Variants in CD8B observed in about 807,000 individuals in gnomAD.
The protein encoded by CD8B is CD8 subunit beta.
CD8B carries 6 observed loss-of-function variants against 24.2 expected under a neutral mutation model. The observed-to-expected ratio is 0.25, with a 90% CI of 0.14 to 0.49. The LOEUF (loss-of-function observed/expected upper bound fraction) is 0.49. Ranked by LOEUF, CD8B falls within the 20% of genes least tolerant of loss-of-function variation. The pLI is 0.98. For synonymous variants in CD8B, 84 were observed against 108.3 expected, an observed-to-expected ratio of 0.78 and a Z score of 1.39; for missense variants, 196 against 271.3, an observed-to-expected ratio of 0.72 and a Z score of 1.95.
intron 5 of CD8B, among the ~76,000 whole-genome samples, chr2:86,829,682 A>G (rs4240205): frequency 0.67 from 102,157 of 151,928 alleles, 34,414 homozygotes; most frequent in East Asian, 0.86. Flanking sequence ...CTGTAAAATC[A>G]CCAGCAAGCC....
intron 2 of CD8B, among the ~76,000 whole-genome samples, chr2:86,857,285 G>A (rs529382456): frequency 6.6e-6 from 1 of 152,212 alleles, no homozygotes; most frequent in East Asian, 1.9e-4. Flanking sequence ...TATCAGGGCA[G>A]TGAGGGCCTC....
At chr2:86,823,113 C>G (rs915584787) in intron 5 of CD8B, among the ~76,000 whole-genome samples, 7 of 152,112 alleles carry the variant, frequency 4.6e-5, no homozygotes, top group African/African-American at 1.7e-4. Context: ...TCTGTACCCA[C>G]TAAGCACCAA....
intron 3 of CD8B, among the ~76,000 whole-genome samples, chr2:86,852,607 G>A (rs954045717): frequency 6.6e-6 from 1 of 151,708 alleles, no homozygotes; most frequent in African/African-American, 2.4e-5. Flanking sequence ...TTTGTGACTG[G>A]CTCCTTTCAT....
At chr2:86,831,311 C>G (rs1164054015) in intron 5 of CD8B, among the ~76,000 whole-genome samples, 1 of 152,188 alleles carries the variant, frequency 6.6e-6, no homozygotes, top group African/African-American at 2.4e-5. Context: ...AGGTTATCTG[C>G]CTGCCTCGAC....
intron 3 of CD8B, among the ~76,000 whole-genome samples, chr2:86,852,390 T>C (rs897101918): frequency 2.6e-5 from 4 of 152,150 alleles, no homozygotes; most frequent in African/African-American, 7.2e-5. Context: ...TGGTTTTTAG[T>C]GTATTCATGG....
chr2:86,855,275 G>T (rs1194437742), intron 2 of CD8B, among the ~76,000 whole-genome samples: 1 of 152,226 alleles, frequency 6.6e-6, no homozygotes, highest in African/African-American at 2.4e-5. Context: ...CGATCTGTTT[G>T]TCTGCTTCAA....
intron 5 of CD8B, chr2:86,822,392 T>A (rs1353632432): frequency 1.3e-6 from 2 of 1,482,656 alleles, no homozygotes; most frequent in African/African-American, 1.4e-5. Flanking sequence ...CAATAGAGTA[T>A]GAACAGAGAT....
intron 3 of CD8B, among the ~76,000 whole-genome samples, chr2:86,848,403 A>G (rs1268716901): frequency 1.3e-5 from 2 of 152,328 alleles, no homozygotes; most frequent in Non-Finnish European, 2.9e-5. Flanking sequence ...CGAGTTGACT[A>G]TCTGTTCCTT....
chr2:86,851,453 G>A (rs996596986), intron 3 of CD8B, among the ~76,000 whole-genome samples: 4 of 152,060 alleles, frequency 2.6e-5, no homozygotes, highest in African/African-American at 4.8e-5. Flanking sequence ...GCCTGAAATC[G>A]TTTAGGTGAA....
intron 2 of CD8B, among the ~76,000 whole-genome samples, chr2:86,853,721 T>A (rs563538243): frequency 4.0e-5 from 6 of 151,582 alleles, no homozygotes; most frequent in East Asian, 1.9e-4. Flanking sequence ...TTATTTATTT[T>A]TTGAGACAAA....
chr2:86,821,900 C>G (rs1674492142), intron 5 of CD8B, among the ~76,000 whole-genome samples: 1 of 152,160 alleles, frequency 6.6e-6, no homozygotes, highest in Non-Finnish European at 1.5e-5. Context: ...CTTTCTTTGC[C>G]TTTTCGAGGC....
intron 3 of CD8B, among the ~76,000 whole-genome samples, chr2:86,847,793 T>A (rs2104555253): frequency 6.6e-6 from 1 of 152,308 alleles, no homozygotes; most frequent in East Asian, 1.9e-4. Flanking sequence ...CTCAATCTCC[T>A]GGCCTCAAGT....
At chr2:86,827,672 T>C (rs1393734199) in intron 5 of CD8B, among the ~76,000 whole-genome samples, 1 of 151,898 alleles carries the variant, frequency 6.6e-6, no homozygotes, top group Non-Finnish European at 1.5e-5. Flanking sequence ...AGGGTTGCTG[T>C]AAAGGGTGTT....
chr2:86,830,166 T>C (rs1674852167), intron 5 of CD8B, among the ~76,000 whole-genome samples: 1 of 152,070 alleles, frequency 6.6e-6, no homozygotes, highest in African/African-American at 2.4e-5. Flanking sequence ...TGGGCTCAAG[T>C]GATCCTCCCA....
At chr2:86,818,274 T>C (rs1377114987) in intron 5 of CD8B, among the ~76,000 whole-genome samples, 1 of 152,172 alleles carries the variant, frequency 6.6e-6, no homozygotes, top group Non-Finnish European at 1.5e-5. Flanking sequence ...AGTAACTGTA[T>C]GTAATGAGTA....
intron 5 of CD8B, among the ~76,000 whole-genome samples, chr2:86,818,134 G>T (rs1366030028): frequency 6.6e-6 from 1 of 152,110 alleles, no homozygotes; most frequent in East Asian, 1.9e-4. Context: ...TGCTTGAACT[G>T]GGAGATGGAG....
chr2:86,838,252 A>C lies in CD8B; in HGVS notation c.*4055T>G, dbSNP rs1321584882. 6.6e-6 allele frequency among the ~76,000 whole-genome samples: 1 copy of C among 152,240 alleles called. No individual in the cohort carries two copies. Among genetic ancestry groups the C allele is most frequent in the African/African-American group, 2.4e-5 (1 of 41,472 alleles). On this transcript the variant is annotated 3_prime_UTR_variant, in exon 6 of 6. Coordinates refer to ENST00000390655, the MANE Select transcript of CD8B (RefSeq NM_004931.5). ...ATTCACACAAGGAACTGTACAAAGC[A>C]GAAGTGGAAATTCCGCAGAGTAACT...
At chr2:86,827,496 T>G (rs1029290298) in intron 5 of CD8B, among the ~76,000 whole-genome samples, 1 of 151,902 alleles carries the variant, frequency 6.6e-6, no homozygotes, top group African/African-American at 2.4e-5. Context: ...TGGTGGCATG[T>G]GCCTGTGGTC....
chr2:86,846,850 GA>G, intron 3 of CD8B, 77 bp from the exon 4 acceptor site: 1 of 901,060 alleles, frequency 1.1e-6, no homozygotes, highest in Non-Finnish European at 1.7e-6. Context: ...TACAAGGAGC[GA>G]AAAATTCAAC....
Sources: gnomAD v4.1 joint callset for allele counts (sites outside exome capture counted in the v4.1 genomes callset) on GRCh38, gnomAD v4.1.1 for gene constraint, MANE v1.5 for transcripts, NCBI Gene and HGNC (gene_info 2026-07-23, HGNC 2026-07-21) for gene names.